The following STARD3NL variants were observed in gnomAD, a reference collection of about 807,000 sequenced individuals.
STARD3NL encodes STARD3 N-terminal like.
STARD3NL carries 17 observed loss-of-function variants against 30.9 expected under a neutral mutation model. The observed-to-expected ratio is 0.55, with a 90% CI of 0.38 to 0.82. The LOEUF is 0.82. STARD3NL is among the 40% of genes least tolerant of loss of function. The probability of loss-of-function intolerance (pLI) is 0.00; values close to 1 mark genes in which losing one functional copy is unlikely to be tolerated. For synonymous variants in STARD3NL, 112 were observed against 100.5 expected, an observed-to-expected ratio of 1.11 and a Z score of -0.69; for missense variants, 234 against 277.6, an observed-to-expected ratio of 0.84 and a Z score of 1.12.
chr7:38,214,220 A>G (rs771999456), intron 2 of STARD3NL, 137 bp from the exon 3 acceptor site: 6 of 568,136 alleles, frequency 1.1e-5, no homozygotes, highest in Non-Finnish European at 1.9e-5. Flanking sequence ...TATTAAAATT[A>G]TGAGAGTTCT....
At chr7:38,212,925 G>A (rs28435435) in intron 2 of STARD3NL, among the ~76,000 whole-genome samples, 2 of 152,168 alleles carry the variant, frequency 1.3e-5, no homozygotes, top group African/African-American at 4.8e-5. Context: ...CAAAAATTTT[G>A]AAATGAGGAT....
At chr7:38,203,734 G>A (rs528736738) in intron 1 of STARD3NL, among the ~76,000 whole-genome samples, 15 of 152,168 alleles carry the variant, frequency 9.9e-5, no homozygotes, top group South Asian at 8.3e-4. Context: ...CAGGAAACCC[G>A]TCTCACGTGC....
intron 1 of STARD3NL, among the ~76,000 whole-genome samples, chr7:38,206,848 A>G (rs1785514265): frequency 6.6e-6 from 1 of 152,152 alleles, no homozygotes; most frequent in African/African-American, 2.4e-5. Context: ...ATAGCTCACT[A>G]TAACCTCAAC....
At chr7:38,183,314 G>A (rs1202176207) in intron 1 of STARD3NL, among the ~76,000 whole-genome samples, 1 of 152,130 alleles carries the variant, frequency 6.6e-6, no homozygotes, top group Non-Finnish European at 1.5e-5. Context: ...ATTTTAGGCT[G>A]GGTAATTCTT....
chr7:38,197,303 G>A (rs1784971416), intron 1 of STARD3NL, among the ~76,000 whole-genome samples: 1 of 150,374 alleles, frequency 6.7e-6, no homozygotes, highest in South Asian at 2.1e-4. Flanking sequence ...TTAGCTCACT[G>A]CAGGCTGGAA....
At chr7:38,179,275 A>C (rs186817395) in intron 1 of STARD3NL, 1 of 152,232 alleles carries the variant, frequency 6.6e-6, no homozygotes, top group African/African-American at 2.4e-5. Context: ...CTCTTTCTAG[A>C]AGCAGGATCT....
At chr7:38,220,734 C>T (rs529925162) in intron 7 of STARD3NL, among the ~76,000 whole-genome samples, 2 of 152,268 alleles carry the variant, frequency 1.3e-5, no homozygotes, top group African/African-American at 4.8e-5. Flanking sequence ...ATGGTGGAAA[C>T]AAATCAAACA....
chr7:38,229,339 G>C (rs1482289442), intron 8 of STARD3NL, among the ~76,000 whole-genome samples: 1 of 152,234 alleles, frequency 6.6e-6, no homozygotes, highest in African/African-American at 2.4e-5. Flanking sequence ...TCTGGTACCA[G>C]GTCCACTGCA....
At chr7:38,221,444 C>T (rs921709676) in intron 7 of STARD3NL, among the ~76,000 whole-genome samples, 3 of 152,070 alleles carry the variant, frequency 2.0e-5, no homozygotes, top group Non-Finnish European at 4.4e-5. Flanking sequence ...TTCTTAATGC[C>T]TGGCATATTA....
At chr7:38,215,161 G>C (rs1786032722) in intron 4 of STARD3NL, 56 bp downstream of exon 4, 1 of 1,523,206 alleles carries the variant, frequency 6.6e-7, no homozygotes, top group Non-Finnish European at 9.1e-7. Context: ...GCCAAGTCCT[G>C]CTCTCAACAG....
intron 4 of STARD3NL, 51 bp from the exon 5 acceptor site, chr7:38,216,974 T>G: frequency 6.2e-7 from 1 of 1,601,756 alleles, no homozygotes; most frequent in Non-Finnish European, 8.5e-7. Context: ...GGAGGTACCT[T>G]CACAGTGTGA....
chr7:38,207,808 A>T, intron 2 of STARD3NL, 79 bp downstream of exon 2: 1 of 1,287,886 alleles, frequency 7.8e-7, no homozygotes, highest in Non-Finnish European at 1.1e-6. Flanking sequence ...TTCTCTTATC[A>T]TTTGTTTCAT....
intron 7 of STARD3NL, among the ~76,000 whole-genome samples, chr7:38,222,326 A>G (rs1163301092): frequency 2.0e-5 from 3 of 152,254 alleles, no homozygotes; most frequent in African/African-American, 7.2e-5. Flanking sequence ...AGCATACAAC[A>G]CAGAAACATA....
intron 1 of STARD3NL, among the ~76,000 whole-genome samples, chr7:38,193,373 A>G (rs1334602438): frequency 6.6e-6 from 1 of 152,158 alleles, no homozygotes; most frequent in Admixed American, 6.5e-5. Context: ...ATCTCGGCTC[A>G]CTACAATCTC....
At chr7:38,188,871 G>C (rs1351149372) in intron 1 of STARD3NL, among the ~76,000 whole-genome samples, 1 of 152,104 alleles carries the variant, frequency 6.6e-6, no homozygotes, top group African/African-American at 2.4e-5. Flanking sequence ...AAAAACAGTC[G>C]GAGTTCGGGA....
At chr7:38,207,365 A>G (rs781054333) in intron 1 of STARD3NL, 82 bp from the exon 2 acceptor site, 4 of 645,054 alleles carry the variant, frequency 6.2e-6, no homozygotes, top group Non-Finnish European at 1.1e-5. Context: ...AGTTAGAGAA[A>G]TAGTTGCACA....
chr7:38,207,724 T>A lies in STARD3NL; in HGVS notation c.220T>A (p.Leu74Ile), dbSNP rs752990456. Residue 74 changes from leucine (L) to isoleucine (I), a missense_variant, in exon 2 of 9, where the codon TTA (leucine) becomes ATA (isoleucine). Transcript: ENST00000009041. The part of the protein sequence containing the change: ...LFVTLLWIIE[L>I]NVNGGIENTL... ...CGTAACATTACTGTGGATAATAGAG[T>A]TAAATGTAAGTTGGTGGTTCTTTCA... 6.2e-7 allele frequency: 1 copy of A among 1,613,226 alleles called. No individual in the cohort carries two copies. Among genetic ancestry groups the A allele is most frequent in the South Asian group, 1.1e-5 (1 of 90,962 alleles).
At chr7:38,226,644 C>T (rs1199982708) in intron 7 of STARD3NL, among the ~76,000 whole-genome samples, 1 of 152,228 alleles carries the variant, frequency 6.6e-6, no homozygotes, top group African/African-American at 2.4e-5. Context: ...CTTGGGCTCT[C>T]TTGGGTCTCC....
intron 4 of STARD3NL, chr7:38,216,458 TGTGTGTGTGTGTGTGTGTGTGTGTGA>T: frequency 2.3e-5 from 1 of 43,768 alleles, no homozygotes; most frequent in Non-Finnish European, 4.2e-5. Flanking sequence ...CAAGCAGCTC[TGTGTGTGTGTGTGTGTGTGTGTGTGA>T]GTGTGTGTGT....
Sources: gnomAD v4.1 joint callset for allele counts (sites outside exome capture counted in the v4.1 genomes callset) on GRCh38, gnomAD v4.1.1 for gene constraint, MANE v1.5 for transcripts, NCBI Gene and HGNC (gene_info 2026-07-23, HGNC 2026-07-21) for gene names.